Variants in NAA35 observed in about 807,000 individuals in gnomAD.
The protein encoded by NAA35 is N-alpha-acetyltransferase 35, NatC auxiliary subunit, also known as MAK10 homolog, amino-acid N-acetyltransferase subunit.
In NAA35, 18 loss-of-function variants were observed where a neutral mutation model predicts 101.7. The observed-to-expected ratio is 0.18, with a 90% CI of 0.12 to 0.26. The LOEUF is 0.26. NAA35 is among the 10% of genes least tolerant of loss of function. The pLI is 1.00. For missense variants in NAA35, 601 were observed against 886.8 expected (o/e 0.68, Z 4.09); for synonymous variants, 267 against 273.1 (o/e 0.98, Z 0.22).
rs1832741717 is a variant in NAA35, at chr9:86,025,392, G to A, written c.*3432G>A. Among the ~76,000 whole-genome samples the A allele has an allele frequency of 6.6e-6, 1 of 152,118 alleles. No individual in the cohort carries two copies. The highest frequency in any genetic ancestry group is 1.5e-5 in the Non-Finnish European group (1 of 68,026). On this transcript the variant is annotated 3_prime_UTR_variant, in exon 23 of 23. Transcript: ENST00000361671. ...GCAGTGAGGAAAGAGCGACTCAACTGGGCTTGAAGAACTGACTTCCCCATA... is the reference window on the plus strand; with the variant it reads ...GCAGTGAGGAAAGAGCGACTCAACTAGGCTTGAAGAACTGACTTCCCCATA...
intron 15 of NAA35, among the ~76,000 whole-genome samples, chr9:86,010,684 C>A (rs973746775): frequency 5.3e-5 from 8 of 150,610 alleles, no homozygotes; most frequent in Non-Finnish European, 5.9e-5. Context: ...ACGCCATTCT[C>A]CTGCCTCAGC....
chr9:85,988,735 G>T (rs1830764368), intron 11 of NAA35, among the ~76,000 whole-genome samples: 1 of 151,702 alleles, frequency 6.6e-6, no homozygotes, highest in South Asian at 2.1e-4. Context: ...GGCGGAGGTT[G>T]CAGTGAGCCG....
intron 13 of NAA35, among the ~76,000 whole-genome samples, chr9:86,005,874 TA>T (rs879527183): frequency 1.6e-3 from 229 of 145,414 alleles, no homozygotes; most frequent in Middle Eastern, 3.6e-3. Flanking sequence ...AGAATATCTT[TA>T]AAAAAAAAAA....
chr9:85,967,630 G>A (rs992632474), intron 6 of NAA35, among the ~76,000 whole-genome samples: 4 of 151,820 alleles, frequency 2.6e-5, no homozygotes, highest in African/African-American at 9.7e-5. Flanking sequence ...GTGAAACCCC[G>A]TCTCTACTAA....
At chr9:85,969,284 A>G (rs2117969993) in intron 6 of NAA35, among the ~76,000 whole-genome samples, 1 of 152,042 alleles carries the variant, frequency 6.6e-6, no homozygotes. Context: ...AAAAAAAAAA[A>G]AAAAAGTCTT....
chr9:85,965,773 A>G (rs949658993), intron 6 of NAA35, among the ~76,000 whole-genome samples: 1 of 152,184 alleles, frequency 6.6e-6, no homozygotes, highest in Non-Finnish European at 1.5e-5. Flanking sequence ...ATAGCTTGCT[A>G]CCACTTTTTT....
intron 21 of NAA35, among the ~76,000 whole-genome samples, chr9:86,019,396 G>A (rs1280232960): frequency 6.6e-6 from 1 of 152,214 alleles, no homozygotes; most frequent in Non-Finnish European, 1.5e-5. Context: ...GGGAGGCGGA[G>A]GTTGCAGGGA....
chr9:86,011,602 G>A (rs12379934), intron 15 of NAA35, among the ~76,000 whole-genome samples: 13,769 of 151,136 alleles, frequency 0.091, 769 homozygotes, highest in Non-Finnish European at 0.13. Context: ...CAAGTGATCC[G>A]CCCGTCTTGG....
intron 11 of NAA35, among the ~76,000 whole-genome samples, chr9:85,989,520 T>C (rs1830807641): frequency 6.6e-6 from 1 of 151,872 alleles, no homozygotes; most frequent in Non-Finnish European, 1.5e-5. Flanking sequence ...ACAAAAAAAC[T>C]GTGACCTAAG....
chr9:85,965,880 A>G (rs1829722459), intron 6 of NAA35, among the ~76,000 whole-genome samples: 1 of 152,102 alleles, frequency 6.6e-6, no homozygotes, highest in South Asian at 2.1e-4. Context: ...TGGGATTTTT[A>G]GGGTGTGTCT....
chr9:85,969,858 T>C lies in NAA35; in HGVS notation c.517-5109T>C, dbSNP rs1453363480. On this transcript the variant is annotated intron_variant, in intron 6 of 22. Coordinates refer to ENST00000361671, the MANE Select transcript of NAA35 (RefSeq NM_024635.4). Reference sequence around the variant, plus strand: ...CTGGATGGTCAAATGACTCTGTCTCTTAAAAAAAAAAAAAAAAAAGATGTG... The same window carrying C: ...CTGGATGGTCAAATGACTCTGTCTCCTAAAAAAAAAAAAAAAAAAGATGTG... Among the ~76,000 whole-genome samples, 4 of 148,900 alleles carry C rather than the reference T, an allele frequency of 2.7e-5. No homozygotes were observed. The East Asian group carries it at 7.8e-4, about 29-fold the overall frequency.
intron 15 of NAA35, among the ~76,000 whole-genome samples, chr9:86,012,128 G>GT (rs544671707): frequency 6.5e-4 from 88 of 135,382 alleles, no homozygotes; most frequent in South Asian, 4.3e-3. Context: ...TTTTTTTTTT[G>GT]TTTTTTTTTG....
chr9:86,013,276 C>G (rs1398262020), intron 16 of NAA35, 132 bp downstream of exon 16: 1 of 493,244 alleles, frequency 2.0e-6, no homozygotes, highest in African/African-American at 1.9e-5. Context: ...TAAAATATAA[C>G]AGTTTCTTAC....
intron 6 of NAA35, among the ~76,000 whole-genome samples, chr9:85,967,071 G>T (rs1163374018): frequency 6.6e-6 from 1 of 152,048 alleles, no homozygotes; most frequent in African/African-American, 2.4e-5. Flanking sequence ...CTCAGGAGGC[G>T]GAGCTTGCAG....
At position 86,025,177 on chromosome 9, in the gene NAA35, G is replaced by A. The variant is rs1490445822; in HGVS notation, c.*3217G>A. Among the ~76,000 whole-genome samples the A allele has an allele frequency of 1.3e-5, 2 of 152,160 alleles. No homozygotes were observed. The highest frequency in any genetic ancestry group is 3.9e-4 in the East Asian group (2 of 5,188). ...CTCTTTGGCTATGCTCTGGGCACTG[G>A]AAAAAGCCTGCAAAGGAGACTTATC... On this transcript the variant is annotated 3_prime_UTR_variant, in exon 23 of 23. Coordinates refer to ENST00000361671, the MANE Select transcript of NAA35 (RefSeq NM_024635.4).
chr9:85,985,656 A>C (rs1036501501), intron 11 of NAA35, among the ~76,000 whole-genome samples: 2 of 152,150 alleles, frequency 1.3e-5, no homozygotes, highest in Non-Finnish European at 2.9e-5. Context: ...AAATGTTCTA[A>C]ATTTGATTGT....
chr9:86,014,115 C>CA (rs1832084184), intron 17 of NAA35, among the ~76,000 whole-genome samples: 1 of 151,962 alleles, frequency 6.6e-6, no homozygotes, highest in Non-Finnish European at 1.5e-5. Flanking sequence ...TAAAAATTAA[C>CA]AAAAAATGAC....
At chr9:85,988,502 C>G (rs1477982727) in intron 11 of NAA35, among the ~76,000 whole-genome samples, 1 of 152,072 alleles carries the variant, frequency 6.6e-6, no homozygotes, top group Non-Finnish European at 1.5e-5. Flanking sequence ...GCTGAAAAGC[C>G]GTAAAGGACA....
intron 6 of NAA35, among the ~76,000 whole-genome samples, chr9:85,963,958 C>T (rs911860684): frequency 1.3e-5 from 2 of 152,124 alleles, no homozygotes; most frequent in Admixed American, 6.5e-5. Context: ...ATGTAAGGTG[C>T]TTAACCTCAT....
Sources: gnomAD v4.1 joint callset for allele counts (sites outside exome capture counted in the v4.1 genomes callset) on GRCh38, gnomAD v4.1.1 for gene constraint, MANE v1.5 for transcripts, NCBI Gene and HGNC (gene_info 2026-07-23, HGNC 2026-07-21) for gene names.